THSD4: variants seen among roughly 807,000 people sequenced by gnomAD.
The protein encoded by THSD4 is thrombospondin type-1 domain-containing protein 4.
In THSD4, 69 loss-of-function variants were observed where a neutral mutation model predicts 119.0. The observed-to-expected ratio is 0.58, with a 90% CI of 0.48 to 0.71. The LOEUF is 0.71. Ranked by LOEUF, THSD4 falls within the 30% of genes least tolerant of loss-of-function variation. The probability of loss-of-function intolerance (pLI) is 0.00; values close to 1 mark genes in which losing one functional copy is unlikely to be tolerated. For missense variants in THSD4, 1,393 were observed against 1,391.1 expected (o/e 1.00, Z -0.02); for synonymous variants, 524 against 540.4 (o/e 0.97, Z 0.42).
intron 8 of THSD4, among the ~76,000 whole-genome samples, chr15:71,716,438 T>A (rs1276082334): frequency 2.6e-5 from 4 of 152,102 alleles, no homozygotes; most frequent in Admixed American, 2.6e-4. Flanking sequence ...AAGAAGTAAA[T>A]CCACACTACA....
chr15:71,277,541 A>G (rs1282951294), intron 6 of THSD4, among the ~76,000 whole-genome samples: 1 of 152,248 alleles, frequency 6.6e-6, no homozygotes, highest in East Asian at 1.9e-4. Context: ...CTGCAAATCT[A>G]GGCTTCACCA....
intron 6 of THSD4, among the ~76,000 whole-genome samples, chr15:71,356,942 G>T (rs575609700): frequency 6.6e-6 from 1 of 152,334 alleles, no homozygotes; most frequent in South Asian, 2.1e-4. Context: ...TCCAGCCCAA[G>T]GGGTAGCAGA....
intron 7 of THSD4, among the ~76,000 whole-genome samples, chr15:71,629,837 T>A (rs4580107): frequency 0.98 from 148,468 of 152,248 alleles, 72,445 homozygotes; most frequent in East Asian, 1. Context: ...GGATGCGTGG[T>A]TTGCAACCTC....
intron 7 of THSD4, among the ~76,000 whole-genome samples, chr15:71,623,438 A>G (rs1451925265): frequency 6.6e-6 from 1 of 152,244 alleles, no homozygotes; most frequent in Non-Finnish European, 1.5e-5. Context: ...TCCCGTAAGT[A>G]AACAGTAGAG....
intron 4 of THSD4, among the ~76,000 whole-genome samples, chr15:71,235,866 C>T (rs1192694685): frequency 3.3e-5 from 5 of 152,030 alleles, no homozygotes; most frequent in Admixed American, 2.0e-4. Flanking sequence ...GCTGGGATTA[C>T]GGGTGTGAGC....
At chr15:71,711,960 A>T (rs1209080242) in intron 8 of THSD4, among the ~76,000 whole-genome samples, 1 of 152,194 alleles carries the variant, frequency 6.6e-6, no homozygotes, top group East Asian at 1.9e-4. Context: ...CAATGCTTGG[A>T]CACTTTAGTC....
chr15:71,725,456 G>C (rs2052814954), intron 8 of THSD4, among the ~76,000 whole-genome samples: 3 of 152,306 alleles, frequency 2.0e-5, no homozygotes, highest in African/African-American at 4.8e-5. Context: ...GCCCAAAGCA[G>C]GTCTACTCTT....
intron 6 of THSD4, among the ~76,000 whole-genome samples, chr15:71,379,806 G>T (rs1414674468): frequency 6.6e-6 from 1 of 151,594 alleles, no homozygotes; most frequent in Non-Finnish European, 1.5e-5. Context: ...GACCTTTGTT[G>T]TTGTTGTTGT....
At chr15:71,504,580 C>T (rs903898052) in intron 7 of THSD4, among the ~76,000 whole-genome samples, 1 of 152,140 alleles carries the variant, frequency 6.6e-6, no homozygotes, top group Non-Finnish European at 1.5e-5. Flanking sequence ...GAGAATACTT[C>T]ATTATTTGGA....
At chr15:71,310,457 A>C (rs2045096378) in intron 6 of THSD4, among the ~76,000 whole-genome samples, 1 of 152,240 alleles carries the variant, frequency 6.6e-6, no homozygotes, top group Non-Finnish European at 1.5e-5. Flanking sequence ...ATATTTTTAA[A>C]GTATCCATTT....
chr15:71,172,833 G>A (rs930031441), intron 3 of THSD4, among the ~76,000 whole-genome samples: 6 of 149,938 alleles, frequency 4.0e-5, no homozygotes, highest in Admixed American at 4.0e-4. Flanking sequence ...ACTTCAATCT[G>A]TATCTTGTAC....
At chr15:71,163,089 T>A (rs1270425773) in intron 3 of THSD4, among the ~76,000 whole-genome samples, 1 of 152,060 alleles carries the variant, frequency 6.6e-6, no homozygotes, top group East Asian at 1.9e-4. Flanking sequence ...TGAATTTCCT[T>A]AAAATCATTA....
At chr15:71,462,238 T>G (rs977608898) in intron 7 of THSD4, among the ~76,000 whole-genome samples, 9 of 152,236 alleles carry the variant, frequency 5.9e-5, no homozygotes, top group African/African-American at 2.2e-4. Context: ...CATGGCTGTC[T>G]GCAGCCTTGA....
chr15:71,735,851 T>C (rs1466637787), intron 10 of THSD4, among the ~76,000 whole-genome samples: 2 of 151,722 alleles, frequency 1.3e-5, no homozygotes, highest in African/African-American at 4.8e-5. Flanking sequence ...TTTCGCTCTC[T>C]GTCTCTCCTG....
At chr15:71,249,084 C>A (rs966794853) in intron 5 of THSD4, among the ~76,000 whole-genome samples, 1 of 152,106 alleles carries the variant, frequency 6.6e-6, no homozygotes, top group African/African-American at 2.4e-5. Flanking sequence ...ACAGAAAATT[C>A]TCTTACTGAC....
chr15:71,524,887 C>T (rs762461987), intron 7 of THSD4, among the ~76,000 whole-genome samples: 1 of 150,684 alleles, frequency 6.6e-6, no homozygotes, highest in Non-Finnish European at 1.5e-5. Flanking sequence ...GCTGGGATTA[C>T]AAGCGTGAGC....
intron 8 of THSD4, among the ~76,000 whole-genome samples, chr15:71,663,746 C>T (rs2051358630): frequency 6.6e-6 from 1 of 152,152 alleles, no homozygotes; most frequent in Non-Finnish European, 1.5e-5. Context: ...TGTACATTGT[C>T]AAACACTGAA....
chr15:71,321,876 A>G (rs2045273864), intron 6 of THSD4, among the ~76,000 whole-genome samples: 1 of 152,144 alleles, frequency 6.6e-6, no homozygotes, highest in Non-Finnish European at 1.5e-5. Context: ...AGTCAATTCA[A>G]TATGGGCAAA....
At position 71,495,539 on chromosome 15, in the gene THSD4, T is replaced by A. The variant is rs562603042; in HGVS notation, c.1152+83716T>A. On this transcript the variant is annotated intron_variant, in intron 7 of 17. Coordinates refer to ENST00000261862, the MANE Select transcript of THSD4 (RefSeq NM_024817.3). Reference sequence around the variant, plus strand: ...GTTAGAAACATGACACGGGAAAGAATGGAACATTCTTCCCTGTGCTCGGGA... The same window carrying A: ...GTTAGAAACATGACACGGGAAAGAAAGGAACATTCTTCCCTGTGCTCGGGA... Among the ~76,000 whole-genome samples the A allele has an allele frequency of 6.0e-4, 91 of 152,270 alleles. No individual in the cohort carries two copies. In the Middle Eastern group the frequency reaches 0.031, roughly 51 times the overall value.
Sources: allele counts gnomAD v4.1 joint callset (sites outside exome capture counted in the v4.1 genomes callset), GRCh38; gene constraint gnomAD v4.1.1; transcripts MANE v1.5; gene names NCBI Gene and HGNC (gene_info 2026-07-23, HGNC 2026-07-21).